Variants in PTTG1IP2 observed in about 807,000 individuals in gnomAD.
The protein encoded by PTTG1IP2 is PTTG1IP family member 2.
chr7:90,476,667 AATC>A (rs1306389065), intron 1 of PTTG1IP2, among the ~76,000 whole-genome samples: 2 of 152,180 alleles, frequency 1.3e-5, no homozygotes, highest in Non-Finnish European at 2.9e-5. Flanking sequence ...AAGTAAAAGA[AATC>A]ATTAAGTCAA....
rs74611581 is a variant in PTTG1IP2, at chr7:90,470,630, C to A, written c.145+699C>A. Among the ~76,000 whole-genome samples, 11 of 152,300 alleles carry A rather than the reference C, an allele frequency of 7.2e-5. No individual in the cohort carries two copies. In the East Asian group the frequency reaches 1.7e-3, roughly 24 times the overall value. ...TCTGTAAGCAAATCAGTCTTCCTTA[C>A]TAAAACCAAATCCACAGTTCTCAGC... On this transcript the variant is annotated intron_variant, in intron 1 of 6. Coordinates refer to ENST00000509356, the MANE Select transcript of PTTG1IP2 (RefSeq NM_001365443.2).
chr7:90,473,068 T>C (rs1267174232), intron 1 of PTTG1IP2, among the ~76,000 whole-genome samples: 1 of 152,174 alleles, frequency 6.6e-6, no homozygotes, highest in African/African-American at 2.4e-5. Context: ...GTCTCATAGA[T>C]AACATGAAGC....
chr7:90,511,922 C>A (rs757542769), intron 6 of PTTG1IP2, among the ~76,000 whole-genome samples: 1 of 152,228 alleles, frequency 6.6e-6, no homozygotes, highest in African/African-American at 2.4e-5. Flanking sequence ...TCCTTCCACT[C>A]AGCCTGGGCA....
intron 6 of PTTG1IP2, among the ~76,000 whole-genome samples, chr7:90,503,811 T>C (rs1798087355): frequency 6.6e-6 from 1 of 152,168 alleles, no homozygotes; most frequent in Non-Finnish European, 1.5e-5. Flanking sequence ...AATGAACAAC[T>C]TTGAAATATT....
At chr7:90,486,006 T>C (rs116370041) in intron 2 of PTTG1IP2, among the ~76,000 whole-genome samples, 165 of 152,300 alleles carry the variant, frequency 1.1e-3, no homozygotes, top group African/African-American at 3.7e-3. Context: ...GAAAGTGGCT[T>C]CAATTTTAGA....
At chr7:90,507,377 C>A (rs910924677) in intron 6 of PTTG1IP2, among the ~76,000 whole-genome samples, 2 of 152,076 alleles carry the variant, frequency 1.3e-5, no homozygotes, top group African/African-American at 4.8e-5. Context: ...TAGTTAGGCT[C>A]AAAGTTGCAT....
At chr7:90,490,232 C>G (rs1286286235) in intron 4 of PTTG1IP2, among the ~76,000 whole-genome samples, 3 of 151,810 alleles carry the variant, frequency 2.0e-5, no homozygotes, top group Non-Finnish European at 2.9e-5. Flanking sequence ...TTTGCATAGT[C>G]CATTACATAT....
chr7:90,508,133 G>T (rs1364503942), intron 6 of PTTG1IP2, among the ~76,000 whole-genome samples: 2 of 151,802 alleles, frequency 1.3e-5, no homozygotes, highest in African/African-American at 4.8e-5. Context: ...GCATGGTGGT[G>T]GTGCACGCCT....
rs192113442 is a variant in PTTG1IP2 at position 90,489,452 on chromosome 7, G to A, written c.380+488G>A. Among the ~76,000 whole-genome samples, 971 of 151,424 alleles carry A rather than the reference G, an allele frequency of 6.4e-3. 6 individuals carry two copies. The highest frequency in any genetic ancestry group is 0.033 in the South Asian group (156 of 4,796). ...TAAGATTACTAATATTTCTCCTGTT[G>A]ACTTTGAGTAATCAATTTAATTCCT... On this transcript the variant is annotated intron_variant, in intron 4 of 6. Coordinates refer to ENST00000509356, the MANE Select transcript of PTTG1IP2 (RefSeq NM_001365443.2).
intron 6 of PTTG1IP2, among the ~76,000 whole-genome samples, chr7:90,497,966 T>A (rs1798015713): frequency 6.6e-6 from 1 of 152,102 alleles, no homozygotes; most frequent in Non-Finnish European, 1.5e-5. Flanking sequence ...TCTATTAATA[T>A]TCATATATTT....
At chr7:90,482,991 C>G (rs1302310227) in intron 2 of PTTG1IP2, among the ~76,000 whole-genome samples, 2 of 152,024 alleles carry the variant, frequency 1.3e-5, no homozygotes, top group Non-Finnish European at 2.9e-5. Flanking sequence ...AAATGTCATA[C>G]CTTACAACCC....
At chr7:90,504,286 A>T (rs1562989708) in intron 6 of PTTG1IP2, among the ~76,000 whole-genome samples, 1 of 151,872 alleles carries the variant, frequency 6.6e-6, no homozygotes, top group Non-Finnish European at 1.5e-5. Context: ...ACTGCACTCC[A>T]GCCCGGGCGA....
chr7:90,503,865 A>G (rs982361288), intron 6 of PTTG1IP2, among the ~76,000 whole-genome samples: 1 of 152,238 alleles, frequency 6.6e-6, no homozygotes, highest in African/African-American at 2.4e-5. Context: ...GTGAGCACAT[A>G]CTATTGGAAA....
intron 6 of PTTG1IP2, among the ~76,000 whole-genome samples, chr7:90,505,053 A>T (rs1055586122): frequency 4.6e-5 from 7 of 152,182 alleles, no homozygotes; most frequent in Admixed American, 2.0e-4. Context: ...TGACTTCTGA[A>T]ACACATGTGG....
intron 2 of PTTG1IP2, among the ~76,000 whole-genome samples, chr7:90,480,888 A>G (rs1797808027): frequency 6.6e-6 from 1 of 152,196 alleles, no homozygotes; most frequent in Non-Finnish European, 1.5e-5. Flanking sequence ...GTCACATCCT[A>G]AAAGGATTTG....
At chr7:90,508,826 T>C (rs1798154254) in intron 6 of PTTG1IP2, among the ~76,000 whole-genome samples, 1 of 152,228 alleles carries the variant, frequency 6.6e-6, no homozygotes, top group Non-Finnish European at 1.5e-5. Flanking sequence ...TGCTGAAACG[T>C]AGCGTGGTGA....
At chr7:90,491,639 G>T (rs576628543) in intron 4 of PTTG1IP2, among the ~76,000 whole-genome samples, 1 of 150,122 alleles carries the variant, frequency 6.7e-6, no homozygotes, top group East Asian at 2.0e-4. Context: ...AAAAAAAAAA[G>T]AAATATCAAA....
At chr7:90,495,212 G>A (rs143542878) in intron 6 of PTTG1IP2, among the ~76,000 whole-genome samples, 43 of 152,322 alleles carry the variant, frequency 2.8e-4, no homozygotes, top group African/African-American at 1.0e-3. Context: ...TTGTTTTGGT[G>A]ACTTTGAGGA....
intron 6 of PTTG1IP2, among the ~76,000 whole-genome samples, chr7:90,506,326 T>C (rs1484276482): frequency 1.3e-5 from 2 of 152,224 alleles, no homozygotes; most frequent in East Asian, 3.9e-4. Flanking sequence ...AGTCATGTAA[T>C]TTTCAATTAC....
Sources: gnomAD v4.1 joint callset for allele counts (sites outside exome capture counted in the v4.1 genomes callset) on GRCh38, gnomAD v4.1.1 for gene constraint, MANE v1.5 for transcripts, NCBI Gene and HGNC (gene_info 2026-07-23, HGNC 2026-07-21) for gene names.